EVA1C: variants seen among roughly 807,000 people sequenced by gnomAD.
EVA1C encodes the protein eva-1 homolog C, also known as protein eva-1 homolog C.
In EVA1C, 25 loss-of-function variants were observed where a neutral mutation model predicts 45.4. The observed-to-expected ratio is 0.55, with a 90% confidence interval of 0.40 to 0.77. The LOEUF (loss-of-function observed/expected upper bound fraction) is 0.77. EVA1C is among the 30% of genes least tolerant of loss of function. The probability of loss-of-function intolerance (pLI) is 0.00; values close to 1 mark genes in which losing one functional copy is unlikely to be tolerated. For synonymous variants in EVA1C, 190 were observed against 221.2 expected (o/e 0.86, Z 1.25); for missense variants, 479 against 554.8 (o/e 0.86, Z 1.37).
rs746447928 is a variant in EVA1C, at chr21:32,453,412, G to A, written c.261G>A (p.Ser87=). 6.8e-6 allele frequency: 11 copies of A among 1,611,322 alleles called. No individual in the cohort carries two copies. The highest frequency in any genetic ancestry group is 2.7e-5 in the African/African-American group (2 of 74,816). The change falls in exon 2 of 8, where the codon TCG becomes TCA. Residue 87 remains serine (S), a synonymous_variant. Transcript: ENST00000300255. ...CPRHSTISVQ[S]AFYGQDYQMC... Reference sequence around the variant, plus strand: ...GGCATTCTACGATAAGTGTCCAATCGGCATTTTATGGGCAAGATTACCAAA... The same window carrying A: ...GGCATTCTACGATAAGTGTCCAATCAGCATTTTATGGGCAAGATTACCAAA...
At chr21:32,451,746 T>C (rs1271555414) in intron 1 of EVA1C, among the ~76,000 whole-genome samples, 5 of 152,214 alleles carry the variant, frequency 3.3e-5, no homozygotes, top group Non-Finnish European at 7.3e-5. Context: ...TTCAGGTGCA[T>C]CATTCCAGCT....
At chr21:32,475,923 C>CTATATAAACAGGAATG (rs2036545932) in intron 4 of EVA1C, among the ~76,000 whole-genome samples, 2 of 150,420 alleles carry the variant, frequency 1.3e-5, no homozygotes, top group Admixed American at 6.7e-5. Context: ...ATCTATCTAT[C>CTATATAAACAGGAATG]TATCTATATA....
At chr21:32,506,991 C>G (rs1259619514) in intron 7 of EVA1C, among the ~76,000 whole-genome samples, 1 of 152,142 alleles carries the variant, frequency 6.6e-6, no homozygotes, top group African/African-American at 2.4e-5. Flanking sequence ...GGAGTGAATC[C>G]AAAAGTACAT....
At chr21:32,413,643 C>A (rs556015362) in intron 1 of EVA1C, among the ~76,000 whole-genome samples, 6 of 152,222 alleles carry the variant, frequency 3.9e-5, no homozygotes. Context: ...AACTAGGAGG[C>A]TTTTCTTTTT....
At chr21:32,434,423 C>G (rs2034845620) in intron 1 of EVA1C, among the ~76,000 whole-genome samples, 1 of 150,794 alleles carries the variant, frequency 6.6e-6, no homozygotes, top group Non-Finnish European at 1.5e-5. Context: ...AACCCCGTCT[C>G]TACTAAAAAT....
Position 32,507,600 on chromosome 21 carries a change from CTA to C in EVA1C, c.949+3587_949+3588del, listed in dbSNP as rs932202439. ...TGTATATGTGTGTGCATGTGTGTTT[CTA>C]TGTGTACATGTGTGTACATGCGTAT... On this transcript the variant is annotated intron_variant, in intron 7 of 7. Transcript: ENST00000300255. 2.0e-4 allele frequency among the ~76,000 whole-genome samples: 30 copies of C among 148,016 alleles called. No individual in the cohort carries two copies. The South Asian group carries it at 3.2e-3, about 16-fold the overall frequency.
intron 4 of EVA1C, among the ~76,000 whole-genome samples, chr21:32,472,958 C>T (rs377477396): frequency 2.9e-4 from 44 of 152,318 alleles, no homozygotes; most frequent in African/African-American, 1.1e-3. Context: ...CATTTGTGGC[C>T]ATAGCCAAAA....
chr21:32,453,233 C>A (rs2035650276), intron 1 of EVA1C, 79 bp from the exon 2 acceptor site: 1 of 1,054,828 alleles, frequency 9.5e-7, no homozygotes, highest in Non-Finnish European at 1.4e-6. Flanking sequence ...CCCAGGGGAA[C>A]CAACGTCCTC....
At chr21:32,472,917 C>T (rs994264586) in intron 4 of EVA1C, among the ~76,000 whole-genome samples, 5 of 152,194 alleles carry the variant, frequency 3.3e-5, no homozygotes, top group African/African-American at 4.8e-5. Flanking sequence ...CCTTGGTGTA[C>T]GTGCAAGGGT....
intron 1 of EVA1C, among the ~76,000 whole-genome samples, chr21:32,435,666 T>C (rs372156101): frequency 1.0e-5 from 1 of 96,476 alleles, no homozygotes; most frequent in Non-Finnish European, 2.2e-5. Context: ...TCCCTGTCTT[T>C]ACAGTCAGGA....
At chr21:32,511,883 G>A (rs1195810742) in intron 7 of EVA1C, among the ~76,000 whole-genome samples, 1 of 152,094 alleles carries the variant, frequency 6.6e-6, no homozygotes, top group Non-Finnish European at 1.5e-5. Flanking sequence ...CAGAAACCTG[G>A]CAACAGCAGG....
intron 5 of EVA1C, among the ~76,000 whole-genome samples, chr21:32,501,134 G>T (rs1163937561): frequency 6.6e-6 from 1 of 152,008 alleles, no homozygotes; most frequent in African/African-American, 2.4e-5. Context: ...TTATTATGAG[G>T]TGTATTCTGC....
At position 32,412,800 on chromosome 21, in the gene EVA1C, T is replaced by G; in HGVS notation, c.-54T>G. ...CGCCATGTGACGCCGTCCTTAGCCC[T>G]GCGACCCCCAGCGCGTCCCGGGCCT... On this transcript the variant is annotated 5_prime_UTR_variant, in exon 1 of 8. Coordinates refer to ENST00000300255, the MANE Select transcript of EVA1C (RefSeq NM_058187.5). 7.5e-7 allele frequency: 1 copy of G among 1,335,726 alleles called. No individual in the cohort carries two copies. The highest frequency in any genetic ancestry group is 1.5e-5 in the African/African-American group (1 of 64,722). The allele number at this position is 1,335,726 out of a possible 1,614,324, so 82.7% of individuals were successfully genotyped here.
Position 32,474,108 on chromosome 21 carries a change from C to A in EVA1C, c.634+6260C>A. On this transcript the variant is annotated intron_variant, in intron 4 of 7. Transcript: ENST00000300255. The surrounding 1 kb of genome is among the most constrained non-coding windows in gnomAD (Gnocchi z 4.4). ...ATGCCTGGCATGGTGGAGATGAAGT[C>A]TTGCTATTTTGCCCAGGCTGGTCTT... The A allele has an allele frequency of 3.7e-6, 1 of 269,160 alleles. No homozygotes were observed. Among genetic ancestry groups the A allele is most frequent in the Non-Finnish European group, 5.7e-6 (1 of 175,432 alleles). 16.7% of individuals were successfully genotyped at this position (269,160 alleles called of 1,614,324 possible). A position where few individuals can be genotyped will look rare whatever the true frequency, so the allele number is the denominator to read the frequency against.
intron 3 of EVA1C, among the ~76,000 whole-genome samples, chr21:32,462,758 T>C (rs1293426155): frequency 1.3e-5 from 2 of 152,270 alleles, no homozygotes; most frequent in Non-Finnish European, 2.9e-5. Flanking sequence ...ATGAGTGATC[T>C]GTGCCTTAAG....
intron 4 of EVA1C, among the ~76,000 whole-genome samples, chr21:32,490,948 CT>C (rs1222216348): frequency 6.6e-6 from 1 of 152,216 alleles, no homozygotes; most frequent in African/African-American, 2.4e-5. Context: ...TCCCATAATT[CT>C]TTGAGCATTT....
At chr21:32,507,875 GTGTGCATGTGTATC>G (rs1032885143) in intron 7 of EVA1C, among the ~76,000 whole-genome samples, 3 of 151,958 alleles carry the variant, frequency 2.0e-5, no homozygotes, top group African/African-American at 4.8e-5. Flanking sequence ...GCCGTCATGT[GTGTGCATGTGTATC>G]TGTGCATGTG....
intron 7 of EVA1C, among the ~76,000 whole-genome samples, chr21:32,512,401 G>A (rs1043811851): frequency 1.3e-5 from 2 of 152,112 alleles, no homozygotes; most frequent in Non-Finnish European, 2.9e-5. Flanking sequence ...CATAGTTACC[G>A]GCTGTGGCAC....
chr21:32,423,802 C>T (rs939424939), intron 1 of EVA1C, among the ~76,000 whole-genome samples: 39 of 152,120 alleles, frequency 2.6e-4, no homozygotes, highest in African/African-American at 8.9e-4. Flanking sequence ...GTTTTCCACA[C>T]GCAGAAAACC....
Sources: gnomAD v4.1 joint callset for allele counts (sites outside exome capture counted in the v4.1 genomes callset) on GRCh38, gnomAD v4.1.1 for gene constraint, Gnocchi (gnomAD v3.1) non-coding constraint, MANE v1.5 for transcripts, NCBI Gene and HGNC (gene_info 2026-07-23, HGNC 2026-07-21) for gene names.